COG2: variants seen among roughly 807,000 people sequenced by gnomAD.
COG2 encodes the protein conserved oligomeric Golgi complex subunit 2.
Under a neutral mutation model 90.6 loss-of-function variants are expected in COG2, and 52 were observed. That is an observed-to-expected ratio of 0.57 (90% CI 0.46 to 0.72). COG2 has a LOEUF of 0.72. Among genes scored for constraint, COG2 ranks in the 30% least tolerant of loss-of-function variants. COG2 has a pLI of 0.00. For synonymous variants in COG2, 337 were observed against 320.4 expected, an observed-to-expected ratio of 1.05 and a Z score of -0.55; for missense variants, 829 against 891.2, an observed-to-expected ratio of 0.93 and a Z score of 0.89.
At chr1:230,674,020 A>T (rs1464806530) in intron 8 of COG2, among the ~76,000 whole-genome samples, 1 of 152,328 alleles carries the variant, frequency 6.6e-6, no homozygotes, top group African/African-American at 2.4e-5. Context: ...TTGCCATTTT[A>T]AAAAATTACC....
At chr1:230,680,999 A>G (rs3827747) in intron 10 of COG2, 53,728 of 152,028 alleles carry the variant, frequency 0.35, 10,193 homozygotes, top group African/African-American at 0.49. Flanking sequence ...GGATCTGACT[A>G]TATACCCACA....
chr1:230,688,404 T>A lies in COG2; in HGVS notation c.1652-16T>A, dbSNP rs113738442. 6.2e-7 allele frequency: 1 copy of A among 1,613,148 alleles called. No individual in the cohort carries two copies. The highest frequency in any genetic ancestry group is 8.5e-7 in the Non-Finnish European group (1 of 1,179,680). The stretch of plus-strand genomic sequence containing the variant: ...GCCTGAGCATGATGATTAAATCCAG[T>A]CTTTAATCTCAACAGCAGCCCTGGA... On this transcript the variant is annotated splice_polypyrimidine_tract_variant and intron_variant, in intron 14 of 17. Transcript: ENST00000366669.
At chr1:230,653,420 C>T (rs995770471) in intron 1 of COG2, among the ~76,000 whole-genome samples, 12 of 151,820 alleles carry the variant, frequency 7.9e-5, no homozygotes, top group Admixed American at 2.0e-4. Context: ...GGGGTTTCGC[C>T]GTGTTGGCCA....
chr1:230,660,742 T>G lies in COG2; in HGVS notation c.235-16T>G, dbSNP rs1662161618. On this transcript the variant is annotated splice_polypyrimidine_tract_variant and intron_variant, in intron 2 of 17. Coordinates refer to ENST00000366669, the MANE Select transcript of COG2 (RefSeq NM_007357.3). ...TGATTGTGAGGTGTGTGTGCCAACA[T>G]GATTTCTGCCTTTAGGTTGGCATGG... is the stretch of plus-strand genomic sequence containing the variant. The G allele has an allele frequency of 6.4e-7, 1 of 1,570,352 alleles. No individual in the cohort carries two copies.
intron 1 of COG2, among the ~76,000 whole-genome samples, chr1:230,645,885 A>G (rs867082389): frequency 1.3e-5 from 2 of 152,062 alleles, no homozygotes; most frequent in African/African-American, 2.4e-5. Flanking sequence ...TAGTGCTGCC[A>G]CTGATCTGAC....
At chr1:230,654,049 T>G (rs1233841433) in intron 1 of COG2, among the ~76,000 whole-genome samples, 2 of 152,220 alleles carry the variant, frequency 1.3e-5, no homozygotes, top group African/African-American at 2.4e-5. Flanking sequence ...TGCAAAAATT[T>G]TCTCCCATTC....
intron 10 of COG2, chr1:230,679,956 T>C (rs904578678): frequency 2.6e-5 from 4 of 152,206 alleles, no homozygotes; most frequent in Non-Finnish European, 5.9e-5. Flanking sequence ...TGAGAATGTA[T>C]GTAATGATCT....
chr1:230,664,940 G>A (rs1002000925), intron 5 of COG2, among the ~76,000 whole-genome samples: 1 of 152,098 alleles, frequency 6.6e-6, no homozygotes, highest in Non-Finnish European at 1.5e-5. Flanking sequence ...CAGGCCCAGA[G>A]TATTCCAGTT....
chr1:230,668,901 T>C, intron 6 of COG2, 117 bp downstream of exon 6: 1 of 675,686 alleles, frequency 1.5e-6, no homozygotes, highest in Non-Finnish European at 2.4e-6. Context: ...GCATTTTTTT[T>C]CAATTTTTAA....
In COG2 at chr1:230,691,384, G is replaced by A. The variant is rs568396199; in HGVS notation, c.1935G>A (p.Lys645=). Residue 645 remains lysine (K), a splice_region_variant and synonymous_variant, in exon 17 of 18, where the codon AAG becomes AAA. Transcript: ENST00000366669. The stretch of plus-strand genomic sequence containing the variant: ...CCAATAAACGTGTCTTCTATTCAAG[G>A]TACTATGAAACCGTGTCAGATGTAT... ...LEGTLSESTH[K]YYETVSDVLN... 14 of 1,610,188 alleles carry A rather than the reference G, an allele frequency of 8.7e-6. No homozygotes were observed. In the South Asian group the frequency reaches 1.3e-4, roughly 15 times the overall value.
intron 5 of COG2, among the ~76,000 whole-genome samples, chr1:230,666,682 T>C (rs1662329742): frequency 6.6e-6 from 1 of 152,210 alleles, no homozygotes; most frequent in South Asian, 2.1e-4. Flanking sequence ...AATTTTACTA[T>C]GTATGGCCAT....
At chr1:230,648,147 C>T (rs4847001) in intron 1 of COG2, among the ~76,000 whole-genome samples, 3 of 152,232 alleles carry the variant, frequency 2.0e-5, no homozygotes, top group African/African-American at 4.8e-5. Context: ...CACATAGTCC[C>T]TATGCTAAAG....
Position 230,688,464 on chromosome 1 carries a change from T to C in COG2, c.1696T>C (p.Ser566Pro). The change falls in exon 15 of 18, where the codon TCC becomes CCC. Residue 566 changes from serine to proline, a missense_variant. Ser to Pro is a moderately conservative substitution (Grantham distance 74). Coordinates refer to ENST00000366669, the MANE Select transcript of COG2 (RefSeq NM_007357.3). ...GAGCTCTTTTTCAGCCTGTGTGCCC[T>C]CCTTGAGTAGCAAGATCATCCAGGA... is the stretch of plus-strand genomic sequence containing the variant. The part of the protein sequence containing the change: ...SQSSFSACVP[S>P]LSSKIIQDLS... 1.2e-6 allele frequency: 2 copies of C among 1,614,122 alleles called. No individual in the cohort carries two copies. Among genetic ancestry groups the C allele is most frequent in the Non-Finnish European group, 1.7e-6 (2 of 1,180,016 alleles).
Position 230,663,241 on chromosome 1 carries a change from T to C in COG2, c.381+20T>C, listed in dbSNP as rs1447853051. 1 of 1,590,678 alleles carries C rather than the reference T, an allele frequency of 6.3e-7. No individual in the cohort carries two copies. The highest frequency in any genetic ancestry group is 8.6e-7 in the Non-Finnish European group (1 of 1,162,462). On this transcript the variant is annotated intron_variant, in intron 4 of 17. Coordinates refer to ENST00000366669, the MANE Select transcript of COG2 (RefSeq NM_007357.3). Reference sequence around the variant, plus strand: ...AAAAAGGTATACTCAAATATTACAATATTAAATCGTTGATTCACTGTAGCA... The same window carrying C: ...AAAAAGGTATACTCAAATATTACAACATTAAATCGTTGATTCACTGTAGCA...
At chr1:230,683,429 AGC>A in intron 10 of COG2, 143 bp from the exon 11 acceptor site, 1 of 458,820 alleles carries the variant, frequency 2.2e-6, no homozygotes, top group South Asian at 3.0e-5. Flanking sequence ...AAAAAAAAAA[AGC>A]CTGGGAGAAT....
intron 4 of COG2, among the ~76,000 whole-genome samples, chr1:230,663,474 GC>G (rs1490020307): frequency 6.6e-6 from 1 of 152,122 alleles, no homozygotes; most frequent in African/African-American, 2.4e-5. Flanking sequence ...AGGGAGAGAA[GC>G]CTGTTTTAGA....
At chr1:230,651,696 G>T (rs1420705746) in intron 1 of COG2, among the ~76,000 whole-genome samples, 1 of 152,096 alleles carries the variant, frequency 6.6e-6, no homozygotes. Context: ...CATAATTCTT[G>T]ACTTCTTCCA....
At chr1:230,674,123 T>G (rs933028417) in intron 8 of COG2, among the ~76,000 whole-genome samples, 5 of 152,226 alleles carry the variant, frequency 3.3e-5, no homozygotes, top group African/African-American at 1.2e-4. Flanking sequence ...TCTTTGAGTT[T>G]GTGAGCGACT....
chr1:230,688,012 T>C, intron 13 of COG2, 59 bp from the exon 14 acceptor site: 3 of 1,164,926 alleles, frequency 2.6e-6, no homozygotes, highest in Non-Finnish European at 3.7e-6. Context: ...CAAATAGAAT[T>C]GCCTCTTCCT....
Sources: gnomAD v4.1 joint callset for allele counts (sites outside exome capture counted in the v4.1 genomes callset) on GRCh38, gnomAD v4.1.1 for gene constraint, MANE v1.5 for transcripts, NCBI Gene and HGNC (gene_info 2026-07-23, HGNC 2026-07-21) for gene names.